The following ATP1A3 variants were observed in gnomAD, a reference collection of about 807,000 sequenced individuals.
ATP1A3 encodes the protein ATPase Na+/K+ transporting subunit alpha 3, also known as sodium/potassium-transporting ATPase subunit alpha-3.
ATP1A3 carries 12 observed loss-of-function variants against 108.8 expected under a neutral mutation model. The ratio of observed to expected loss-of-function variants is 0.11; its 90% CI spans 0.07 to 0.18. ATP1A3 has a LOEUF of 0.18. Among genes scored for constraint, ATP1A3 ranks in the 10% least tolerant of loss-of-function variants. The pLI, the probability that ATP1A3 is intolerant of heterozygous loss-of-function variation, is 1.00. For missense variants in ATP1A3, 498 were observed against 1,387.7 expected, an observed-to-expected ratio of 0.36 and a Z score of 10.19; for synonymous variants, 539 against 564.5, an observed-to-expected ratio of 0.95 and a Z score of 0.64.
In ATP1A3 at chr19:41,966,586, C is replaced by G; in HGVS notation, c.*351G>C. ...CAGGCACAACACACACACCGCTTCT[C>G]TCTCCCCACTGATATATTTGATAAT... On this transcript the variant is annotated 3_prime_UTR_variant, in exon 23 of 23. Transcript: ENST00000648268. 2 of 1,395,594 alleles carry G rather than the reference C, an allele frequency of 1.4e-6. No individual in the cohort carries two copies. Among genetic ancestry groups the G allele is most frequent in the Non-Finnish European group, 1.9e-6 (2 of 1,048,544 alleles). 86.5% of individuals were successfully genotyped at this position (1,395,594 alleles called of 1,614,324 possible). A position where few individuals can be genotyped will look rare whatever the true frequency, so the allele number is the denominator to read the frequency against.
chr19:41,973,187 G>A (rs2075131893), intron 16 of ATP1A3, among the ~76,000 whole-genome samples: 1 of 152,212 alleles, frequency 6.6e-6, no homozygotes, highest in Admixed American at 6.5e-5. Flanking sequence ...TGGGATGGAG[G>A]CGCAGGGGCC....
intron 15 of ATP1A3, 61 bp from the exon 16 acceptor site, chr19:41,975,858 GA>G (rs2075160934): frequency 2.5e-6 from 4 of 1,608,152 alleles, no homozygotes; most frequent in Non-Finnish European, 3.4e-6. Flanking sequence ...CCCTCCCTCA[GA>G]TCCAGAAGCC....
rs143797324 is a variant in ATP1A3 at position 41,984,969 on chromosome 19, G to A, written c.942C>T (p.Leu314=). The A allele has an allele frequency of 1.2e-5, 19 of 1,614,096 alleles. No homozygotes were observed. The highest frequency in any genetic ancestry group is 1.4e-5 in the Non-Finnish European group (17 of 1,179,988). Residue 314 remains leucine, a synonymous_variant, in exon 8 of 23, where the codon CTC becomes CTT. Transcript: ENST00000648268. ...GYTWLEAVIF[L]IGIIVANVPE... ...GGACATTGGCCACGATGATGCCGATGAGGAAGATGACAGCCTCAAGCCAGG... is the reference window on the plus strand; with the variant it reads ...GGACATTGGCCACGATGATGCCGATAAGGAAGATGACAGCCTCAAGCCAGG...
chr19:41,967,449 C>A lies in ATP1A3; in HGVS notation c.2922-109G>T. The stretch of plus-strand genomic sequence containing the variant: ...GCAGTCTCCCAGGATCCTTCGTGCT[C>A]ACAGGTGGAGGGTGCCCTGGGCGGG... On this transcript the variant is annotated intron_variant, in intron 21 of 22. Coordinates refer to ENST00000648268, the MANE Select transcript of ATP1A3 (RefSeq NM_152296.5). This position sits in a 1 kb window ranked among gnomAD's most constrained non-coding sequence, Gnocchi z 4.2. The A allele has an allele frequency of 7.4e-7, 1 of 1,356,690 alleles. No individual in the cohort carries two copies. 84.0% of individuals were successfully genotyped at this position (1,356,690 alleles called of 1,614,324 possible).
chr19:41,988,521 G>C lies in ATP1A3; in HGVS notation c.48C>G (p.Gly16=). The stretch of plus-strand genomic sequence containing the variant: ...GGTCATCCAGGTCCCGGCGCTCCTT[G>C]CCCTTGTTCTTCTTGGGTGAGTCCT... The part of the protein sequence containing the change: ...DDKDSPKKNK[G]KERRDLDDLK... Residue 16 remains glycine (G), a synonymous_variant, in exon 2 of 23, where the codon GGC becomes GGG. Coordinates refer to ENST00000648268, the MANE Select transcript of ATP1A3 (RefSeq NM_152296.5). This position sits in a 1 kb window ranked among gnomAD's most constrained non-coding sequence, Gnocchi z 5.3. The C allele has an allele frequency of 6.2e-7, 1 of 1,614,172 alleles. No homozygotes were observed. The highest frequency in any genetic ancestry group is 1.1e-5 in the South Asian group (1 of 91,080).
chr19:41,979,336 A>G (rs544653163), intron 11 of ATP1A3, among the ~76,000 whole-genome samples: 3 of 149,408 alleles, frequency 2.0e-5, no homozygotes, highest in Non-Finnish European at 4.4e-5. Context: ...TTTTTTTAAG[A>G]CAGGGTCTCA....
chr19:41,975,461 C>T (rs950146449), intron 16 of ATP1A3, among the ~76,000 whole-genome samples, 168 bp downstream of exon 16: 3 of 152,184 alleles, frequency 2.0e-5, no homozygotes, highest in African/African-American at 4.8e-5. Flanking sequence ...GGGGAGCTCC[C>T]GACCCCACAG....
In ATP1A3 at chr19:41,966,897, G is replaced by GC; in HGVS notation, c.*39_*40insG. ...GACTGACAGGGGCGGTCCTGGGCCT[G>GC]GGGGACGGGGAAGAGATGGGCGATG... is the stretch of plus-strand genomic sequence containing the variant. On this transcript the variant is annotated 3_prime_UTR_variant, in exon 23 of 23. Transcript: ENST00000648268. The GC allele has an allele frequency of 6.4e-7, 1 of 1,551,154 alleles. No individual in the cohort carries two copies. Among genetic ancestry groups the GC allele is most frequent in the East Asian group, 2.4e-5 (1 of 40,926 alleles).
Position 41,967,805 on chromosome 19 carries a change from A to C in ATP1A3, c.2820-42T>G. The C allele has an allele frequency of 6.3e-7, 1 of 1,579,498 alleles. No homozygotes were observed. On this transcript the variant is annotated intron_variant, in intron 20 of 22. Coordinates refer to ENST00000648268, the MANE Select transcript of ATP1A3 (RefSeq NM_152296.5). The surrounding 1 kb of genome is among the most constrained non-coding windows in gnomAD (Gnocchi z 4.2). Reference sequence around the variant, plus strand: ...GCAGGGCTGGGCCCAGAGAGCACCCACCCTGCACCTGCCACCCCGCAGAGA... The same window carrying C: ...GCAGGGCTGGGCCCAGAGAGCACCCCCCCTGCACCTGCCACCCCGCAGAGA...
intron 16 of ATP1A3, among the ~76,000 whole-genome samples, chr19:41,972,784 GGGGGAAGGAAGGAAGGAA>G (rs1191079725): frequency 6.8e-4 from 99 of 146,056 alleles, no homozygotes; most frequent in African/African-American, 2.3e-3. Context: ...GGGGAGGGGA[GGGGGAAGGAAGGAAGGAA>G]GGGGAAGGAA....
intron 4 of ATP1A3, among the ~76,000 whole-genome samples, 158 bp downstream of exon 4, chr19:41,987,778 T>C (rs781965138): frequency 6.6e-6 from 1 of 152,104 alleles, no homozygotes; most frequent in Non-Finnish European, 1.5e-5. Flanking sequence ...CAGTTTGCCT[T>C]GTATTTGATC....
chr19:41,978,880 G>A lies in ATP1A3; in HGVS notation c.1438-82C>T. On this transcript the variant is annotated intron_variant, in intron 11 of 22. Transcript: ENST00000648268. The surrounding 1 kb of genome is among the most constrained non-coding windows in gnomAD (Gnocchi z 8.3). The stretch of plus-strand genomic sequence containing the variant: ...TGCCCCATCCTGTCCCCTGTCCAGA[G>A]CCACGGGTGCCAGGATAGGCCCACA... The A allele has an allele frequency of 6.9e-7, 1 of 1,443,608 alleles. No individual in the cohort carries two copies. The allele number at this position is 1,443,608 out of a possible 1,614,324, so 89.4% of individuals were successfully genotyped here.
chr19:41,991,220 C>T (rs909053391), intron 1 of ATP1A3, among the ~76,000 whole-genome samples: 2 of 152,206 alleles, frequency 1.3e-5, no homozygotes, highest in Non-Finnish European at 2.9e-5. Context: ...CGCGGCTCAG[C>T]GCTAATCTCC....
At chr19:41,971,034 G>A (rs1034431812) in intron 16 of ATP1A3, among the ~76,000 whole-genome samples, 30 of 151,604 alleles carry the variant, frequency 2.0e-4, no homozygotes, top group Admixed American at 6.6e-4. Flanking sequence ...GCATGATCAC[G>A]GCTCACTGCA....
intron 11 of ATP1A3, among the ~76,000 whole-genome samples, chr19:41,980,868 G>A (rs962620574): frequency 4.6e-5 from 7 of 151,290 alleles, no homozygotes; most frequent in South Asian, 4.2e-4. Flanking sequence ...CTGAGATCGC[G>A]CCACTGCACT....
Position 41,978,882 on chromosome 19 carries a change from C to T in ATP1A3, c.1438-84G>A. ...CCCCATCCTGTCCCCTGTCCAGAGC[C>T]ACGGGTGCCAGGATAGGCCCACACC... On this transcript the variant is annotated intron_variant, in intron 11 of 22. Coordinates refer to ENST00000648268, the MANE Select transcript of ATP1A3 (RefSeq NM_152296.5). The surrounding 1 kb of genome is among the most constrained non-coding windows in gnomAD (Gnocchi z 8.3). The T allele has an allele frequency of 6.9e-7, 1 of 1,446,570 alleles. No homozygotes were observed. Among genetic ancestry groups the T allele is most frequent in the Admixed American group, 1.8e-5 (1 of 56,092 alleles). 89.6% of individuals were successfully genotyped at this position (1,446,570 alleles called of 1,614,324 possible).
chr19:41,974,699 C>A (rs2075147525), intron 16 of ATP1A3, among the ~76,000 whole-genome samples: 2 of 152,212 alleles, frequency 1.3e-5, no homozygotes, highest in South Asian at 4.1e-4. Flanking sequence ...GGTGATTCTA[C>A]TTTTTTCCTG....
chr19:41,969,039 G>A (rs2075074398), intron 19 of ATP1A3, 124 bp from the exon 20 acceptor site: 9 of 1,429,056 alleles, frequency 6.3e-6, no homozygotes, highest in East Asian at 2.4e-5. Flanking sequence ...GGCCTCAGGT[G>A]TGTCTTCCTT....
In ATP1A3 at chr19:41,968,776, G is replaced by A. The variant is rs976302465; in HGVS notation, c.2819+9C>T. The stretch of plus-strand genomic sequence containing the variant: ...GGCTGTCCAGTCACCATGTGCCCCC[G>A]GCCCTCACTTCATGCCCTGCTGGAA... On this transcript the variant is annotated intron_variant, in intron 20 of 22. Coordinates refer to ENST00000648268, the MANE Select transcript of ATP1A3 (RefSeq NM_152296.5). This position sits in a 1 kb window ranked among gnomAD's most constrained non-coding sequence, Gnocchi z 5.0. 27 of 1,613,812 alleles carry A rather than the reference G, an allele frequency of 1.7e-5. No individual in the cohort carries two copies. The highest frequency in any genetic ancestry group is 1.7e-4 in the Middle Eastern group (1 of 6,058).
Sources: allele counts gnomAD v4.1 joint callset (sites outside exome capture counted in the v4.1 genomes callset), GRCh38; gene constraint gnomAD v4.1.1; non-coding constraint Gnocchi (gnomAD v3.1); transcripts MANE v1.5; gene names NCBI Gene and HGNC (gene_info 2026-07-23, HGNC 2026-07-21).